The following DSP variants were observed in gnomAD, a reference collection of about 807,000 sequenced individuals.
The protein encoded by DSP is desmoplakin, also known as 250/210 kDa paraneoplastic pemphigus antigen.
DSP carries 114 observed loss-of-function variants against 290.6 expected under a neutral mutation model. The observed-to-expected ratio is 0.39, with a 90% CI of 0.34 to 0.46. The LOEUF is 0.46. Ranked by LOEUF, DSP falls within the 20% of genes least tolerant of loss-of-function variation. The probability of loss-of-function intolerance (pLI) is 0.99; values close to 1 mark genes in which losing one functional copy is unlikely to be tolerated. For synonymous variants in DSP, 1,311 were observed against 1,316.4 expected (o/e 1.00, Z 0.09); for missense variants, 3,230 against 3,495.8 (o/e 0.92, Z 1.92).
At chr6:7,566,833 CCGCTGCCCTA>C (rs1446955776) in intron 8 of DSP, among the ~76,000 whole-genome samples, 1 of 152,182 alleles carries the variant, frequency 6.6e-6, no homozygotes, top group Admixed American at 6.5e-5. Context: ...AGTTTGGTGA[CCGCTGCCCTA>C]GACTGCCATC....
intron 1 of DSP, among the ~76,000 whole-genome samples, chr6:7,545,645 A>C (rs1489774728): frequency 4.6e-5 from 7 of 152,184 alleles, no homozygotes; most frequent in Non-Finnish European, 8.8e-5. Context: ...CTTCCAAGGA[A>C]GATAAGTACA....
chr6:7,543,200 G>A lies in DSP; in HGVS notation c.170+1115G>A, dbSNP rs6899532. On this transcript the variant is annotated intron_variant, in intron 1 of 23. Transcript: ENST00000379802. ...TAGTTGTTCCCACGTCGGGCTTTTG[G>A]GAAAGAGGCCCTGAGCGCCGGGACG... Among the ~76,000 whole-genome samples the A allele has an allele frequency of 5.3e-5, 8 of 151,976 alleles. No homozygotes were observed. In the East Asian group the frequency reaches 9.7e-4, roughly 18 times the overall value.
chr6:7,569,697 G>A (rs1758984209), intron 12 of DSP, among the ~76,000 whole-genome samples: 1 of 152,108 alleles, frequency 6.6e-6, no homozygotes, highest in Non-Finnish European at 1.5e-5. Context: ...AGCCAGGTGT[G>A]GTGGTACATG....
rs772831377 is a variant in DSP, at chr6:7,580,759, G to A, written c.4569G>A (p.Glu1523=). 6.8e-6 allele frequency: 11 copies of A among 1,614,126 alleles called. No individual in the cohort carries two copies. The South Asian group carries it at 1.2e-4, about 18-fold the overall frequency. ...DLQKANSSAT[E]TINKLKVQEQ... Reference sequence around the variant, plus strand: ...AGAAAGCAAACAGTAGTGCGACGGAGACAATAAACAAACTGAAGGTTCAGG... The same window carrying A: ...AGAAAGCAAACAGTAGTGCGACGGAAACAATAAACAAACTGAAGGTTCAGG... The change falls in exon 23 of 24, where the codon GAG becomes GAA. Residue 1523 remains glutamate (E), a synonymous_variant. Transcript: ENST00000379802. The surrounding 1 kb of genome is among the most constrained non-coding windows in gnomAD (Gnocchi z 4.2).
At chr6:7,548,734 A>G (rs1366833393) in intron 1 of DSP, among the ~76,000 whole-genome samples, 1 of 152,088 alleles carries the variant, frequency 6.6e-6, no homozygotes, top group African/African-American at 2.4e-5. Context: ...CAAAAAATCC[A>G]CCATGTTTGC....
In DSP at chr6:7,558,391, C is replaced by T; in HGVS notation, c.422+127C>T. The stretch of plus-strand genomic sequence containing the variant: ...ACAAATGTTCCCAAGGAAAGGTTTG[C>T]TTACTTGGTATTTTGCAACTTTATT... On this transcript the variant is annotated intron_variant, in intron 3 of 23. Coordinates refer to ENST00000379802, the MANE Select transcript of DSP (RefSeq NM_004415.4). 4 of 1,376,350 alleles carry T rather than the reference C, an allele frequency of 2.9e-6. No individual in the cohort carries two copies. The South Asian group carries it at 3.8e-5, about 13-fold the overall frequency. 85.3% of individuals were successfully genotyped at this position (1,376,350 alleles called of 1,614,324 possible). A position where few individuals can be genotyped will look rare whatever the true frequency, so the allele number is the denominator to read the frequency against.
intron 4 of DSP, among the ~76,000 whole-genome samples, chr6:7,562,428 T>C (rs1434391936): frequency 6.6e-6 from 1 of 151,474 alleles, no homozygotes; most frequent in Non-Finnish European, 1.5e-5. Context: ...CATTTCTAAA[T>C]TTCCTTCTCT....
chr6:7,554,481 TTGAA>T (rs1280141860), intron 1 of DSP, among the ~76,000 whole-genome samples: 1 of 152,168 alleles, frequency 6.6e-6, no homozygotes, highest in Non-Finnish European at 1.5e-5. Context: ...GAAATGTACA[TTGAA>T]TGAGCTTCAT....
Position 7,582,848 on chromosome 6 carries a change from T to G in DSP, c.5586T>G (p.Asn1862Lys), listed in dbSNP as rs779863332. 4 of 1,614,016 alleles carry G rather than the reference T, an allele frequency of 2.5e-6. No homozygotes were observed. In the South Asian group the frequency reaches 4.4e-5, roughly 18 times the overall value. ...RLECEKQQIQ[N>K]DLNQWKTQYS... is the part of the protein sequence containing the mutation. ...AGTGTGAGAAACAGCAAATTCAGAA[T>G]GACCTGAATCAGTGGAAGACTCAAT... The change falls in exon 24 of 24, where the codon AAT becomes AAG. Residue 1862 changes from asparagine to lysine, a missense_variant. Asn to Lys is a moderately conservative substitution (Grantham distance 94). Coordinates refer to ENST00000379802, the MANE Select transcript of DSP (RefSeq NM_004415.4). The surrounding 1 kb of genome is among the most constrained non-coding windows in gnomAD (Gnocchi z 4.2).
intron 1 of DSP, among the ~76,000 whole-genome samples, chr6:7,543,888 A>G (rs1192428584): frequency 6.6e-6 from 1 of 152,216 alleles, no homozygotes; most frequent in Non-Finnish European, 1.5e-5. Flanking sequence ...ATCAAGGTAC[A>G]TGTTTTATTA....
rs397516934 is a variant in DSP at position 7,580,171 on chromosome 6, C to T, written c.3981C>T (p.Ile1327=). The stretch of plus-strand genomic sequence containing the variant: ...CCATTCAGGACAAAAATAAGGAGAT[C>T]GAGAGACTCAAAGCTGAGTTTCAGG... ...AKTIQDKNKE[I]ERLKAEFQEE... is the part of the protein sequence containing the mutation. Residue 1327 remains isoleucine, a synonymous_variant, in exon 23 of 24, where the codon ATC becomes ATT. Transcript: ENST00000379802. The surrounding 1 kb of genome is among the most constrained non-coding windows in gnomAD (Gnocchi z 4.2). 7.6e-5 allele frequency: 122 copies of T among 1,613,796 alleles called. No individual in the cohort carries two copies. The highest frequency in any genetic ancestry group is 8.9e-5 in the Non-Finnish European group (105 of 1,179,996).
rs191980408 is a variant in DSP, at chr6:7,585,788, C to G, written c.8526C>G (p.Arg2842=). The G allele has an allele frequency of 6.2e-7, 1 of 1,609,842 alleles. No individual in the cohort carries two copies. The highest frequency in any genetic ancestry group is 2.2e-5 in the East Asian group (1 of 44,866). ...GSRSGSRSGS[R]SGSRRGSFDA... is the part of the protein sequence containing the mutation. The stretch of plus-strand genomic sequence containing the variant: ...GCTCCGGATCTCGCTCCGGGTCCCG[C>G]AGTGGGTCCCGGAGAGGAAGCTTTG... Residue 2842 remains arginine, a synonymous_variant, in exon 24 of 24, where the codon CGC becomes CGG. Transcript: ENST00000379802.
At chr6:7,561,310 C>T (rs933002560) in intron 4 of DSP, among the ~76,000 whole-genome samples, 7 of 152,126 alleles carry the variant, frequency 4.6e-5, no homozygotes, top group African/African-American at 1.7e-4. Flanking sequence ...GGGTTAGGCA[C>T]GCAGCCCTCA....
chr6:7,542,940 TG>T (rs977152520), intron 1 of DSP, among the ~76,000 whole-genome samples: 4 of 81,906 alleles, frequency 4.9e-5, no homozygotes, highest in Admixed American at 1.5e-4. Flanking sequence ...GGCAGGGGAG[TG>T]GGGGGGTGGG....
At chr6:7,549,948 A>G (rs983456969) in intron 1 of DSP, among the ~76,000 whole-genome samples, 1 of 152,204 alleles carries the variant, frequency 6.6e-6, no homozygotes, top group Admixed American at 6.5e-5. Flanking sequence ...GTTTTTGCCT[A>G]TAATGTCCCT....
At chr6:7,571,659 G>A in intron 14 of DSP, 75 bp downstream of exon 14, 1 of 1,587,344 alleles carries the variant, frequency 6.3e-7, no homozygotes. Context: ...GCATAAAACT[G>A]GTTTCAGAAC....
intron 1 of DSP, 66 bp downstream of exon 1, chr6:7,542,151 G>T: frequency 6.5e-7 from 1 of 1,531,474 alleles, no homozygotes. Flanking sequence ...GTCCTCCTCT[G>T]GACGACTGGG....
intron 1 of DSP, among the ~76,000 whole-genome samples, chr6:7,542,714 C>T (rs1362239543): frequency 6.6e-6 from 1 of 152,226 alleles, no homozygotes; most frequent in Non-Finnish European, 1.5e-5. Context: ...CGAAACTTCC[C>T]CGCCGGGGCG....
chr6:7,542,119 G>A (rs1489786200), intron 1 of DSP, 34 bp downstream of exon 1: 2 of 1,550,698 alleles, frequency 1.3e-6, no homozygotes, highest in Non-Finnish European at 1.7e-6. Context: ...GGGCTGCGGG[G>A]CTCGCGGGAC....
Sources: allele counts gnomAD v4.1 joint callset (sites outside exome capture counted in the v4.1 genomes callset), GRCh38; gene constraint gnomAD v4.1.1; non-coding constraint Gnocchi (gnomAD v3.1); transcripts MANE v1.5; gene names NCBI Gene and HGNC (gene_info 2026-07-23, HGNC 2026-07-21).